Variants in DMD observed in about 807,000 individuals in gnomAD.
DMD encodes mutant dystrophin.
Under a neutral mutation model 330.1 loss-of-function variants are expected in DMD, and 63 were observed. The ratio of observed to expected loss-of-function variants is 0.19; its 90% CI spans 0.16 to 0.24. The LOEUF (loss-of-function observed/expected upper bound fraction) is 0.24, where lower values mean the gene tolerates loss of function less well. Ranked by LOEUF, DMD falls within the 10% of genes least tolerant of loss-of-function variation. The pLI is 1.00. For missense variants in DMD, 3,344 were observed against 2,684.1 expected (o/e 1.25, Z -5.43); for synonymous variants, 1,223 against 959.8 (o/e 1.27, Z -5.07).
At chrX:31,188,338 A>G (rs1001762661) in intron 67 of DMD, among the ~76,000 whole-genome samples, 2 of 112,298 alleles carry the variant, frequency 1.8e-5, no homozygotes, top group African/African-American at 6.5e-5. Context: ...CTAAAATTAC[A>G]TTTCGATCAT....
Position 31,684,608 on chromosome X carries a change from T to C in DMD, c.7661-5022A>G, listed in dbSNP as rs199953522. Among the ~76,000 whole-genome samples, 4 of 112,170 alleles carry C rather than the reference T, an allele frequency of 3.6e-5. No homozygotes were observed. The East Asian group carries it at 1.1e-3, about 31-fold the overall frequency. On this transcript the variant is annotated intron_variant, in intron 52 of 78. Transcript: ENST00000357033. ...AACTCTAGGATTTTTGTTGTTGTTG[T>C]TGTTGTTCGTGATTCTAAAAGAGAA... is the stretch of plus-strand genomic sequence containing the variant.
chrX:31,348,704 C>G, intron 60 of DMD, 70 bp from the exon 61 acceptor site: 1 of 927,958 alleles, frequency 1.1e-6, no homozygotes, highest in Admixed American at 2.5e-5. Flanking sequence ...ACAATGTATC[C>G]TTTCTGATAA....
intron 64 of DMD, among the ~76,000 whole-genome samples, chrX:31,215,084 G>C (rs1007962762): frequency 9.4e-6 from 1 of 106,391 alleles, no homozygotes; most frequent in Non-Finnish European, 1.9e-5. Flanking sequence ...TGGGACTACA[G>C]TCGCTCGCCA....
intron 7 of DMD, among the ~76,000 whole-genome samples, chrX:32,715,674 C>T (rs1472138807): frequency 9.3e-6 from 1 of 107,634 alleles, no homozygotes; most frequent in African/African-American, 3.4e-5. Context: ...GTGGTGGGCG[C>T]CTGTAAATCC....
intron 7 of DMD, among the ~76,000 whole-genome samples, chrX:32,807,719 A>G (rs185264842): frequency 9.0e-6 from 1 of 111,587 alleles, no homozygotes; most frequent in East Asian, 2.8e-4. Context: ...GGATATATAC[A>G]TAGGTGTATA....
At chrX:32,098,725 G>A (rs763995659) in intron 44 of DMD, among the ~76,000 whole-genome samples, 12 of 111,353 alleles carry the variant, frequency 1.1e-4, no homozygotes, top group Admixed American at 8.6e-4. Context: ...TTATTCTCCC[G>A]GGGCTAAATA....
intron 44 of DMD, among the ~76,000 whole-genome samples, chrX:32,134,321 C>G (rs763977976): frequency 1.8e-5 from 2 of 111,162 alleles, no homozygotes; most frequent in Non-Finnish European, 3.8e-5. Context: ...TTCAAATTAA[C>G]CTGATGCTAA....
Position 31,679,598 on chromosome X carries a change from G to T in DMD, c.7661-12C>A. The T allele has an allele frequency of 8.4e-7, 1 of 1,186,810 alleles. No individual in the cohort carries two copies. Among genetic ancestry groups the T allele is most frequent in the Non-Finnish European group, 1.1e-6 (1 of 873,743 alleles). On this transcript the variant is annotated splice_polypyrimidine_tract_variant and intron_variant, in intron 52 of 78. Coordinates refer to ENST00000357033, the MANE Select transcript of DMD (RefSeq NM_004006.3). ...CTGAATTCTTTCAACTAGAATAAAA[G>T]GAAAAATAAATATATAGTAGTAAAT... is the stretch of plus-strand genomic sequence containing the variant.
At chrX:31,159,793 G>A (rs2038592858) in intron 74 of DMD, among the ~76,000 whole-genome samples, 2 of 112,141 alleles carry the variant, frequency 1.8e-5, no homozygotes, top group South Asian at 3.7e-4. Flanking sequence ...CAAGCCACAC[G>A]AGGTTGATAT....
intron 9 of DMD, among the ~76,000 whole-genome samples, chrX:32,667,259 A>G (rs1320704153): frequency 9.0e-6 from 1 of 111,655 alleles, no homozygotes; most frequent in Admixed American, 9.5e-5. Flanking sequence ...TCTGGTTATT[A>G]CTGGCCCGGA....
rs760492395 is a variant in DMD at position 32,200,200 on chromosome X, C to G, written c.6438+16716G>C. On this transcript the variant is annotated intron_variant, in intron 44 of 78. Transcript: ENST00000357033. Reference sequence around the variant, plus strand: ...CTGGGAAGAAAGGTGATCTCTAGTCCTTTTTCCTCCGCTCCCTGCTCCAGC... The same window carrying G: ...CTGGGAAGAAAGGTGATCTCTAGTCGTTTTTCCTCCGCTCCCTGCTCCAGC... Among the ~76,000 whole-genome samples the G allele has an allele frequency of 2.7e-5, 3 of 110,524 alleles. No homozygotes were observed. In the South Asian group the frequency reaches 1.2e-3, roughly 43 times the overall value.
At chrX:31,293,367 T>C (rs930967183) in intron 62 of DMD, among the ~76,000 whole-genome samples, 7 of 110,486 alleles carry the variant, frequency 6.3e-5, no homozygotes, top group Non-Finnish European at 7.5e-5. Flanking sequence ...TTTCTGAATG[T>C]GGGTCATTCT....
At chrX:31,402,283 T>C (rs1310371597) in intron 60 of DMD, among the ~76,000 whole-genome samples, 1 of 111,904 alleles carries the variant, frequency 8.9e-6, no homozygotes, top group African/African-American at 3.2e-5. Context: ...GTCAGTTTAT[T>C]GGATGTCAGG....
intron 43 of DMD, among the ~76,000 whole-genome samples, chrX:32,287,248 T>C (rs755357907): frequency 8.9e-6 from 1 of 112,035 alleles, no homozygotes; most frequent in African/African-American, 3.2e-5. Context: ...CAACTGTTTA[T>C]AGCACCTCAA....
chrX:32,751,335 G>A (rs1603354011), intron 7 of DMD, among the ~76,000 whole-genome samples: 1 of 111,228 alleles, frequency 9.0e-6, no homozygotes, highest in Non-Finnish European at 1.9e-5. Flanking sequence ...CTCAGATAGA[G>A]ATGAGCAACT....
chrX:33,135,509 G>A (rs2095521588), intron 1 of DMD, among the ~76,000 whole-genome samples: 1 of 112,123 alleles, frequency 8.9e-6, no homozygotes, highest in Admixed American at 9.5e-5. Context: ...ATATTTATAT[G>A]CAGACATAAA....
At chrX:32,377,250 TCACCTTTTAAATGC>T (rs1056264599) in intron 34 of DMD, among the ~76,000 whole-genome samples, 16 of 111,897 alleles carry the variant, frequency 1.4e-4, no homozygotes, top group African/African-American at 5.2e-4. Context: ...CATTCTCACT[TCACCTTTTAAATGC>T]CATCATCAAG....
intron 1 of DMD, among the ~76,000 whole-genome samples, chrX:33,254,813 T>C (rs1414125843): frequency 9.0e-6 from 1 of 110,608 alleles, no homozygotes; most frequent in African/African-American, 3.3e-5. Context: ...TTTTTTTTTC[T>C]TCTTATTGCA....
chrX:33,137,895 AT>A (rs1230261062), intron 1 of DMD, among the ~76,000 whole-genome samples: 1 of 112,111 alleles, frequency 8.9e-6, no homozygotes, highest in Non-Finnish European at 1.9e-5. Context: ...TTACATTCAT[AT>A]TAAAAGTTTA....
Sources: gnomAD v4.1 joint callset for allele counts (sites outside exome capture counted in the v4.1 genomes callset) on GRCh38, gnomAD v4.1.1 for gene constraint, MANE v1.5 for transcripts, NCBI Gene and HGNC (gene_info 2026-07-23, HGNC 2026-07-21) for gene names.